Variants in MICAL2 observed in about 807,000 individuals in gnomAD.
The protein encoded by MICAL2 is microtubule associated monooxygenase, calponin and LIM domain containing 2.
Under a neutral mutation model 127.3 loss-of-function variants are expected in MICAL2, and 77 were observed. The ratio of observed to expected loss-of-function variants is 0.60; its 90% CI spans 0.50 to 0.73. The LOEUF (loss-of-function observed/expected upper bound fraction) is 0.73. Among genes scored for constraint, MICAL2 ranks in the 30% least tolerant of loss-of-function variants. The pLI, the probability that MICAL2 is intolerant of heterozygous loss-of-function variation, is 0.00. For synonymous variants in MICAL2, 570 were observed against 551.1 expected (o/e 1.03, Z -0.48); for missense variants, 1,351 against 1,434.4 (o/e 0.94, Z 0.94).
intron 2 of MICAL2, among the ~76,000 whole-genome samples, chr11:12,144,746 G>T (rs1373703150): frequency 2.0e-5 from 3 of 152,200 alleles, no homozygotes; most frequent in Non-Finnish European, 4.4e-5. Context: ...CCTCCAGTCA[G>T]TTCAGCTACA....
chr11:12,313,051 C>T (rs1864191787), intron 29 of MICAL2, among the ~76,000 whole-genome samples: 1 of 151,330 alleles, frequency 6.6e-6, no homozygotes. Context: ...GCCTGTAGTC[C>T]CGGCTACTGG....
intron 15 of MICAL2, among the ~76,000 whole-genome samples, chr11:12,228,771 G>A (rs1307103079): frequency 9.2e-5 from 14 of 152,352 alleles, no homozygotes; most frequent in African/African-American, 2.6e-4. Flanking sequence ...GCTGAGGACA[G>A]GCTATGGGAT....
chr11:12,281,675 G>T (rs560228933), intron 2 of MICAL2, among the ~76,000 whole-genome samples: 50 of 152,336 alleles, frequency 3.3e-4, no homozygotes, highest in Non-Finnish European at 4.9e-4. Flanking sequence ...GTCATCCCAG[G>T]ATGACCCTGT....
intron 3 of MICAL2, among the ~76,000 whole-genome samples, chr11:12,164,079 G>C (rs895178773): frequency 6.6e-6 from 1 of 151,984 alleles, no homozygotes; most frequent in African/African-American, 2.4e-5. Flanking sequence ...ACGGAGGGCT[G>C]ACCACCAAGA....
At chr11:12,329,073 G>A (rs1197797753) in intron 32 of MICAL2, among the ~76,000 whole-genome samples, 1 of 152,226 alleles carries the variant, frequency 6.6e-6, no homozygotes, top group East Asian at 1.9e-4. Flanking sequence ...ACTTGTATTT[G>A]TGGTGAGGAT....
intron 8 of MICAL2, among the ~76,000 whole-genome samples, chr11:12,216,653 G>A (rs867751325): frequency 6.6e-6 from 1 of 152,118 alleles, no homozygotes; most frequent in African/African-American, 2.4e-5. Flanking sequence ...GCAGATGGGG[G>A]CTCCTTGTCC....
chr11:12,311,140 T>C lies in MICAL2; in HGVS notation c.5213-8556T>C, dbSNP rs115054019. ...CATGTCATCTGCAAATAAGCATTAT[T>C]TGACTCCTTCTTTTCCAGTTTGGAT... On this transcript the variant is annotated intron_variant, in intron 29 of 34. Coordinates refer to the MICAL2 transcript ENST00000646065. 2.2e-3 allele frequency among the ~76,000 whole-genome samples: 331 copies of C among 152,298 alleles called. 1 individual carries two copies. Among genetic ancestry groups the C allele is most frequent in the African/African-American group, 7.5e-3 (310 of 41,584 alleles).
At chr11:12,218,387 G>A (rs948321185) in intron 8 of MICAL2, among the ~76,000 whole-genome samples, 11 of 152,126 alleles carry the variant, frequency 7.2e-5, no homozygotes, top group African/African-American at 2.7e-4. Context: ...GGACCCTCCA[G>A]CCACTAAGAG....
intron 1 of MICAL2, among the ~76,000 whole-genome samples, chr11:12,131,947 C>T (rs1301156175): frequency 7.2e-5 from 11 of 152,176 alleles, no homozygotes; most frequent in Non-Finnish European, 1.6e-4. Context: ...CTTTGTTATT[C>T]TTTGATAGGT....
rs1422274227 is a variant in MICAL2, at chr11:12,258,544, G to A, written c.3219G>A (p.Lys1073=). 6.2e-7 allele frequency: 1 copy of A among 1,613,638 alleles called. No homozygotes were observed. Among genetic ancestry groups the A allele is most frequent in the Admixed American group, 1.7e-5 (1 of 60,036 alleles). ...SKQRKRRAEL[K]QQREEEATWQ... is the part of the protein sequence containing the mutation. ...AACGGAAGAGACGGGCAGAGTTGAA[G>A]CAACAAAGAGAGGTATGTTTGTCTC... Residue 1073 remains lysine (K), a synonymous_variant, in exon 25 of 28, where the codon AAG becomes AAA. Transcript: ENST00000683283.
intron 29 of MICAL2, among the ~76,000 whole-genome samples, chr11:12,301,320 G>A (rs1299963128): frequency 6.6e-6 from 1 of 152,194 alleles, no homozygotes; most frequent in Non-Finnish European, 1.5e-5. Context: ...TCCATGTTAT[G>A]TGCAGAAGTG....
intron 11 of MICAL2, 123 bp downstream of exon 11, chr11:12,222,866 G>T: frequency 1.6e-6 from 2 of 1,232,794 alleles, no homozygotes; most frequent in Non-Finnish European, 2.2e-6. Flanking sequence ...AGGCCTGCTG[G>T]CCTAATGGTG....
At chr11:12,283,809 G>T (rs1206118263) in intron 2 of MICAL2, among the ~76,000 whole-genome samples, 1 of 152,210 alleles carries the variant, frequency 6.6e-6, no homozygotes, top group Non-Finnish European at 1.5e-5. Flanking sequence ...AGTTCACAGA[G>T]CGTGCCCAAG....
At chr11:12,154,221 C>T (rs1853912626) in intron 2 of MICAL2, among the ~76,000 whole-genome samples, 1 of 152,132 alleles carries the variant, frequency 6.6e-6, no homozygotes, top group South Asian at 2.1e-4. Flanking sequence ...TAAATTAGCA[C>T]AATGTCAGGG....
At position 12,138,879 on chromosome 11, in the gene MICAL2, C is replaced by A. The variant is rs577762871; in HGVS notation, c.-78+419C>A. ...CACAAAGCTTCATCACAAACAGTGT[C>A]CTATGGGAACCTTTGTGCCCTGGGT... On this transcript the variant is annotated intron_variant, in intron 2 of 27. Transcript: ENST00000683283. Among the ~76,000 whole-genome samples, 3 of 152,228 alleles carry A rather than the reference C, an allele frequency of 2.0e-5. No homozygotes were observed. In the East Asian group the frequency reaches 5.8e-4, roughly 29 times the overall value.
At chr11:12,257,116 A>G in intron 24 of MICAL2, 145 bp downstream of exon 24, 1 of 872,688 alleles carries the variant, frequency 1.1e-6, no homozygotes, top group Non-Finnish European at 1.7e-6. Flanking sequence ...CTGCTCAGGG[A>G]GACTGGGAGC....
At chr11:12,237,236 T>C (rs1859215442) in intron 16 of MICAL2, among the ~76,000 whole-genome samples, 1 of 152,252 alleles carries the variant, frequency 6.6e-6, no homozygotes, top group Admixed American at 6.5e-5. Flanking sequence ...TCTTAAAATA[T>C]GAACAAACCC....
chr11:12,221,546 C>T, intron 9 of MICAL2, 98 bp from the exon 10 acceptor site: 1 of 821,190 alleles, frequency 1.2e-6, no homozygotes, highest in Non-Finnish European at 2.0e-6. Context: ...CCTCCAGTGC[C>T]CTGCACAGTC....
chr11:12,281,759 C>T (rs1396269638), intron 2 of MICAL2, among the ~76,000 whole-genome samples: 2 of 152,244 alleles, frequency 1.3e-5, no homozygotes, highest in African/African-American at 4.8e-5. Context: ...TCAGCCAGTG[C>T]TGGTGCCACC....
Sources: allele counts gnomAD v4.1 joint callset (sites outside exome capture counted in the v4.1 genomes callset), GRCh38; gene constraint gnomAD v4.1.1; transcripts MANE v1.5; gene names NCBI Gene and HGNC (gene_info 2026-07-23, HGNC 2026-07-21).